EXOC4: variants seen among roughly 807,000 people sequenced by gnomAD.
EXOC4 encodes the protein exocyst complex component 4.
A neutral mutation model predicts 107.2 loss-of-function variants in EXOC4; 71 were observed. That is an observed-to-expected ratio of 0.66 (90% confidence interval 0.55 to 0.81). EXOC4 has a LOEUF of 0.81. Ranked by LOEUF, EXOC4 falls within the 30% of genes least tolerant of loss-of-function variation. EXOC4 has a pLI of 0.00. For synonymous variants in EXOC4, 456 were observed against 441.2 expected (o/e 1.03, Z -0.42); for missense variants, 1,108 against 1,189.6 (o/e 0.93, Z 1.01).
At chr7:133,907,902 T>C (rs1394417342) in intron 12 of EXOC4, among the ~76,000 whole-genome samples, 1 of 152,146 alleles carries the variant, frequency 6.6e-6, no homozygotes, top group Non-Finnish European at 1.5e-5. Flanking sequence ...CTCTGAACTC[T>C]TAGCTTCCAG....
intron 14 of EXOC4, among the ~76,000 whole-genome samples, chr7:133,974,584 C>G (rs1413875088): frequency 6.6e-6 from 1 of 152,176 alleles, no homozygotes; most frequent in Admixed American, 6.6e-5. Flanking sequence ...CTACTAGAAG[C>G]AGCAACATGG....
chr7:133,445,750 C>G (rs1479592614), intron 7 of EXOC4, among the ~76,000 whole-genome samples: 1 of 152,006 alleles, frequency 6.6e-6, no homozygotes, highest in African/African-American at 2.4e-5. Context: ...TGTGTTGTTA[C>G]CCTGTAATCC....
At chr7:133,862,675 A>G (rs1446273711) in intron 11 of EXOC4, among the ~76,000 whole-genome samples, 1 of 152,202 alleles carries the variant, frequency 6.6e-6, no homozygotes, top group African/African-American at 2.4e-5. Context: ...GGATGTCTAC[A>G]AGAAGTCAAA....
chr7:133,979,300 A>G (rs1339165672), intron 14 of EXOC4, among the ~76,000 whole-genome samples: 3 of 152,116 alleles, frequency 2.0e-5, no homozygotes, highest in African/African-American at 7.2e-5. Flanking sequence ...AGGTAAAGGT[A>G]ATCACACTTG....
At chr7:134,016,073 A>G (rs543955312) in intron 17 of EXOC4, among the ~76,000 whole-genome samples, 2 of 152,232 alleles carry the variant, frequency 1.3e-5, no homozygotes, top group African/African-American at 4.8e-5. Flanking sequence ...GTGTCTAGCC[A>G]GATCACACTA....
At chr7:133,933,472 G>A (rs1280714598) in intron 13 of EXOC4, among the ~76,000 whole-genome samples, 2 of 152,102 alleles carry the variant, frequency 1.3e-5, no homozygotes, top group Non-Finnish European at 2.9e-5. Flanking sequence ...ATTGCTGAGT[G>A]CCTGTTACCT....
chr7:134,019,229 C>G (rs373164052), intron 17 of EXOC4, among the ~76,000 whole-genome samples: 2 of 152,280 alleles, frequency 1.3e-5, no homozygotes, highest in East Asian at 3.9e-4. Context: ...AGCGCCCAGC[C>G]ACGATGTATG....
intron 9 of EXOC4, among the ~76,000 whole-genome samples, chr7:133,629,634 A>G (rs1802540763): frequency 1.3e-5 from 2 of 151,728 alleles, no homozygotes; most frequent in South Asian, 4.2e-4. Flanking sequence ...TGCACCTCCC[A>G]GGTTCAAGCA....
chr7:133,677,962 T>C (rs150745862), intron 10 of EXOC4, among the ~76,000 whole-genome samples: 2 of 152,348 alleles, frequency 1.3e-5, no homozygotes, highest in East Asian at 3.9e-4. Context: ...AGCATCATTA[T>C]AATTGTACTC....
chr7:133,909,058 A>T (rs921312315), intron 12 of EXOC4, among the ~76,000 whole-genome samples: 2 of 151,804 alleles, frequency 1.3e-5, no homozygotes, highest in African/African-American at 4.8e-5. Flanking sequence ...TCATTGTTCA[A>T]CTCCCACTTA....
At chr7:133,362,955 G>C (rs1171194185) in intron 6 of EXOC4, among the ~76,000 whole-genome samples, 1 of 152,126 alleles carries the variant, frequency 6.6e-6, no homozygotes, top group African/African-American at 2.4e-5. Context: ...CATTTTCCTT[G>C]TGGCTTCTTA....
chr7:133,937,391 A>C (rs1211748177), intron 13 of EXOC4, among the ~76,000 whole-genome samples: 1 of 152,196 alleles, frequency 6.6e-6, no homozygotes, highest in Non-Finnish European at 1.5e-5. Context: ...GAAGCCTGTC[A>C]TCCATCTCAG....
intron 10 of EXOC4, among the ~76,000 whole-genome samples, chr7:133,694,724 G>T (rs1382140545): frequency 6.6e-6 from 1 of 152,112 alleles, no homozygotes; most frequent in African/African-American, 2.4e-5. Flanking sequence ...GGAACATTCA[G>T]ATTCTTCTAG....
chr7:133,549,726 C>G (rs902554183), intron 9 of EXOC4, among the ~76,000 whole-genome samples: 4 of 152,098 alleles, frequency 2.6e-5, no homozygotes, highest in Non-Finnish European at 5.9e-5. Flanking sequence ...GCAAAGCATA[C>G]TTCAAAAAAC....
intron 7 of EXOC4, among the ~76,000 whole-genome samples, chr7:133,412,639 T>C (rs1178980176): frequency 6.6e-6 from 1 of 151,832 alleles, no homozygotes; most frequent in Admixed American, 6.6e-5. Flanking sequence ...CTGGGCAACA[T>C]AGTGAGACTC....
intron 10 of EXOC4, among the ~76,000 whole-genome samples, chr7:133,662,910 C>A (rs1793728787): frequency 6.6e-6 from 1 of 152,154 alleles, no homozygotes. Context: ...CAAAACATCT[C>A]ACAGACCTGC....
chr7:133,482,121 G>C (rs1799171742), intron 9 of EXOC4, among the ~76,000 whole-genome samples: 1 of 152,094 alleles, frequency 6.6e-6, no homozygotes, highest in Non-Finnish European at 1.5e-5. Flanking sequence ...AAATTTATTT[G>C]ATGGTGACAA....
chr7:133,405,170 G>C (rs1306693637), intron 7 of EXOC4, among the ~76,000 whole-genome samples: 1 of 152,056 alleles, frequency 6.6e-6, no homozygotes, highest in East Asian at 1.9e-4. Flanking sequence ...GTTATGGAAA[G>C]TTTATATTAA....
intron 17 of EXOC4, among the ~76,000 whole-genome samples, chr7:134,041,277 T>C (rs1795510841): frequency 6.6e-6 from 1 of 152,208 alleles, no homozygotes; most frequent in East Asian, 1.9e-4. Flanking sequence ...TTTACCTCCT[T>C]AATTTATGCA....
Sources: gnomAD v4.1 joint callset for allele counts (sites outside exome capture counted in the v4.1 genomes callset) on GRCh38, gnomAD v4.1.1 for gene constraint, MANE v1.5 for transcripts, NCBI Gene and HGNC (gene_info 2026-07-23, HGNC 2026-07-21) for gene names.